FGD3: variants seen among roughly 807,000 people sequenced by gnomAD.
The protein encoded by FGD3 is FYVE, RhoGEF and PH domain containing 3.
In FGD3, 45 loss-of-function variants were observed where a neutral mutation model predicts 71.8. That is an observed-to-expected ratio of 0.63 (90% CI 0.49 to 0.80). The LOEUF is 0.80. FGD3 is among the 30% of genes least tolerant of loss of function. The pLI, the probability that FGD3 is intolerant of heterozygous loss-of-function variation, is 0.00. For missense variants in FGD3, 844 were observed against 951.5 expected (o/e 0.89, Z 1.49); for synonymous variants, 378 against 392.8 (o/e 0.96, Z 0.44).
chr9:93,034,469 C>A, intron 16 of FGD3, 72 bp from the exon 17 acceptor site: 2 of 1,510,158 alleles, frequency 1.3e-6, no homozygotes, highest in South Asian at 2.6e-5. Flanking sequence ...CCTGGCCCTA[C>A]CCCAGCCTCC....
chr9:93,032,717 G>A (rs1320937414), intron 15 of FGD3, 52 bp from the exon 16 acceptor site: 2 of 1,572,614 alleles, frequency 1.3e-6, no homozygotes, highest in Non-Finnish European at 1.7e-6. Context: ...CATCTTCCTG[G>A]ATAATCCTCT....
At chr9:93,009,331 T>A (rs1391017105) in intron 6 of FGD3, among the ~76,000 whole-genome samples, 1 of 152,240 alleles carries the variant, frequency 6.6e-6, no homozygotes, top group Non-Finnish European at 1.5e-5. Context: ...AAACAGTTGT[T>A]TTTATGAAGA....
chr9:92,975,945 C>A (rs1859735646), intron 2 of FGD3, among the ~76,000 whole-genome samples: 1 of 152,172 alleles, frequency 6.6e-6, no homozygotes, highest in Non-Finnish European at 1.5e-5. Flanking sequence ...AGCTTCACAC[C>A]ACAGGGTTAA....
Position 93,018,197 on chromosome 9 carries a change from C to A in FGD3, c.1337C>A (p.Ser446Tyr), listed in dbSNP as rs766547157. ...TTCATCATAACAGGAAGAAAAAGGT[C>A]CCTGGAGCTGCAGACGCGGTATGGA... ...HTFIITGRKR[S>Y]LELQTRTEEE... Residue 446 changes from serine to tyrosine, a missense_variant, in exon 11 of 18, where the codon TCC becomes TAC. By Grantham distance (144) the Ser-to-Tyr change is moderately radical (BLOSUM62 -2). Coordinates refer to ENST00000375482, the MANE Select transcript of FGD3 (RefSeq NM_001083536.2). The A allele has an allele frequency of 1.8e-5, 29 of 1,614,030 alleles. No individual in the cohort carries two copies. The highest frequency in any genetic ancestry group is 2.4e-5 in the Non-Finnish European group (28 of 1,179,942).
chr9:93,028,701 C>T (rs1478322765), intron 14 of FGD3, among the ~76,000 whole-genome samples: 2 of 152,196 alleles, frequency 1.3e-5, no homozygotes, highest in Non-Finnish European at 2.9e-5. Context: ...AGGCTTACGA[C>T]CCAGGGACCA....
At chr9:92,972,782 G>C (rs905653648) in intron 1 of FGD3, among the ~76,000 whole-genome samples, 28 of 151,340 alleles carry the variant, frequency 1.9e-4, no homozygotes, top group African/African-American at 4.6e-4. Context: ...CAGTTTCTCT[G>C]TGTGTGTGTG....
At position 92,969,478 on chromosome 9, in the gene FGD3, G is replaced by T. The variant is rs1356006262; in HGVS notation, c.-217-5760G>T. Among the ~76,000 whole-genome samples, 1 of 152,246 alleles carries T rather than the reference G, an allele frequency of 6.6e-6. No individual in the cohort carries two copies. The highest frequency in any genetic ancestry group is 1.5e-5 in the Non-Finnish European group (1 of 68,048). ...GCTTTTAGATTGAAGTGGCATCAAA[G>T]AATATACGGGCAGTTTAAAAACCAC... On this transcript the variant is annotated intron_variant, in intron 1 of 17. Coordinates refer to ENST00000375482, the MANE Select transcript of FGD3 (RefSeq NM_001083536.2). The surrounding 1 kb of genome is among the most constrained non-coding windows in gnomAD (Gnocchi z 4.5).
At chr9:92,994,657 G>A (rs1387071778) in intron 3 of FGD3, among the ~76,000 whole-genome samples, 4 of 152,284 alleles carry the variant, frequency 2.6e-5, no homozygotes, top group South Asian at 2.1e-4. Context: ...TGTATAAGAT[G>A]TAAGGAAGGG....
intron 15 of FGD3, among the ~76,000 whole-genome samples, 174 bp downstream of exon 15, chr9:93,030,170 G>A (rs74469403): frequency 0.015 from 2,268 of 152,278 alleles, 71 homozygotes; most frequent in African/African-American, 0.051. Flanking sequence ...TGTCCTGTCC[G>A]AAGTAGAATC....
chr9:93,003,975 CCA>C lies in FGD3; in HGVS notation c.544-22_544-21del. The C allele has an allele frequency of 6.2e-7, 1 of 1,613,258 alleles. No individual in the cohort carries two copies. Among genetic ancestry groups the C allele is most frequent in the Non-Finnish European group, 8.5e-7 (1 of 1,179,642 alleles). ...GTGCTCAGTGGAAGAGGCTCACTGG[CCA>C]CACGTGGGCTTCTCTATGCTCAGGT... On this transcript the variant is annotated intron_variant, in intron 4 of 17. Coordinates refer to ENST00000375482, the MANE Select transcript of FGD3 (RefSeq NM_001083536.2). This position sits in a 1 kb window ranked among gnomAD's most constrained non-coding sequence, Gnocchi z 4.1.
At chr9:92,981,850 T>A (rs997142756) in intron 3 of FGD3, among the ~76,000 whole-genome samples, 2 of 152,224 alleles carry the variant, frequency 1.3e-5, no homozygotes, top group African/African-American at 4.8e-5. Flanking sequence ...TGATTCTTTT[T>A]TTTTAAAGTG....
intron 3 of FGD3, among the ~76,000 whole-genome samples, chr9:92,989,919 G>T (rs1476633702): frequency 1.9e-5 from 2 of 106,556 alleles, no homozygotes; most frequent in African/African-American, 7.1e-5. Flanking sequence ...CCTTGTAGAG[G>T]TTTTTTTTTT....
chr9:92,958,984 G>T (rs1859115625), intron 1 of FGD3, among the ~76,000 whole-genome samples: 2 of 151,998 alleles, frequency 1.3e-5, no homozygotes, highest in African/African-American at 4.8e-5. Flanking sequence ...TTTTGAAATG[G>T]AGTCTCGCTC....
rs188956640 is a variant in FGD3, at chr9:93,035,415, G to A, written c.2004G>A (p.Ser668=). Residue 668 remains serine (S), a synonymous_variant, in exon 18 of 18, where the codon TCG becomes TCA. Coordinates refer to ENST00000375482, the MANE Select transcript of FGD3 (RefSeq NM_001083536.2). ...CGGACCCTGAGGAGAGGCTGGACTCGGGGCATGTGTGGAAGCTGCAGTGGG... is the reference window on the plus strand; with the variant it reads ...CGGACCCTGAGGAGAGGCTGGACTCAGGGCATGTGTGGAAGCTGCAGTGGG... ...SVPDPEERLD[S]GHVWKLQWAK... is the part of the protein sequence containing the mutation. 245 of 1,611,834 alleles carry A rather than the reference G, an allele frequency of 1.5e-4. 1 individual carries two copies. In the African/African-American group the frequency reaches 1.8e-3, roughly 12 times the overall value.
At chr9:93,011,372 G>C (rs191016255) in intron 8 of FGD3, 100 bp downstream of exon 8, 335 of 1,433,882 alleles carry the variant, frequency 2.3e-4, no homozygotes, top group Non-Finnish European at 3.2e-4. Flanking sequence ...CCTTTGGGGG[G>C]CTCCACAAGT....
At chr9:92,959,694 G>A (rs1859133354) in intron 1 of FGD3, among the ~76,000 whole-genome samples, 1 of 95,334 alleles carries the variant, frequency 1.0e-5, no homozygotes, top group Non-Finnish European at 1.9e-5. Context: ...GCAACAGAGG[G>A]AAACTCAGTC....
At chr9:93,030,058 A>C in intron 15 of FGD3, 62 bp downstream of exon 15, 1 of 1,575,926 alleles carries the variant, frequency 6.3e-7, no homozygotes, top group Non-Finnish European at 8.6e-7. Context: ...CTGACAGAGC[A>C]GCTGAGTCCT....
At position 92,976,748 on chromosome 9, in the gene FGD3, G is replaced by A. The variant is rs759850101; in HGVS notation, c.453+39G>A. 9.9e-6 allele frequency: 15 copies of A among 1,513,512 alleles called. No individual in the cohort carries two copies. In the African/African-American group the frequency reaches 1.4e-4, roughly 14 times the overall value. The allele number at this position is 1,513,512 out of a possible 1,614,324, so 93.8% of individuals were successfully genotyped here. On this transcript the variant is annotated intron_variant, in intron 3 of 17. Coordinates refer to ENST00000375482, the MANE Select transcript of FGD3 (RefSeq NM_001083536.2). ...TCTCTGTCCCCGCTGCGGGCTGCAGGCCTTTCCTTAGGAGGGGTTTGAGAT... is the reference window on the plus strand; with the variant it reads ...TCTCTGTCCCCGCTGCGGGCTGCAGACCTTTCCTTAGGAGGGGTTTGAGAT...
In FGD3 at chr9:93,034,551, C is replaced by T; in HGVS notation, c.1796C>T (p.Thr599Ile). Residue 599 changes from threonine to isoleucine, a missense_variant, in exon 17 of 18, where the codon ACT becomes ATT. Thr to Ile is a moderately conservative substitution (Grantham distance 89). Transcript: ENST00000375482. ...TCTTTGTGTCCCCAGAAGACACCCACTGCAGACCCCCAGCCCAGCCTGCTC... is the reference window on the plus strand; with the variant it reads ...TCTTTGTGTCCCCAGAAGACACCCATTGCAGACCCCCAGCCCAGCCTGCTC... ...VAPESTEKTP[T>I]ADPQPSLLCG... 6.2e-7 allele frequency: 1 copy of T among 1,611,634 alleles called. No individual in the cohort carries two copies. The highest frequency in any genetic ancestry group is 8.5e-7 in the Non-Finnish European group (1 of 1,178,856).
Sources: gnomAD v4.1 joint callset for allele counts (sites outside exome capture counted in the v4.1 genomes callset) on GRCh38, gnomAD v4.1.1 for gene constraint, Gnocchi (gnomAD v3.1) non-coding constraint, MANE v1.5 for transcripts, NCBI Gene and HGNC (gene_info 2026-07-23, HGNC 2026-07-21) for gene names.